The following COL14A1 variants were observed in gnomAD, a reference collection of about 807,000 sequenced individuals.
COL14A1 encodes collagen alpha-1(XIV) chain.
COL14A1 carries 136 observed loss-of-function variants against 230.3 expected under a neutral mutation model. The ratio of observed to expected loss-of-function variants is 0.59; its 90% CI spans 0.51 to 0.68. The LOEUF is 0.68. Among genes scored for constraint, COL14A1 ranks in the 30% least tolerant of loss-of-function variants. The pLI, the probability that COL14A1 is intolerant of heterozygous loss-of-function variation, is 0.00. For synonymous variants in COL14A1, 792 were observed against 784.1 expected (o/e 1.01, Z -0.17); for missense variants, 1,976 against 2,215.8 (o/e 0.89, Z 2.17).
chr8:120,177,652 CAAA>C (rs60652647), intron 5 of COL14A1, among the ~76,000 whole-genome samples: 5 of 82,820 alleles, frequency 6.0e-5, no homozygotes, highest in Admixed American at 3.2e-4. Context: ...TTGCCTGCTT[CAAA>C]AAAAAAAAAA....
chr8:120,137,312 T>C (rs990186191), intron 1 of COL14A1, among the ~76,000 whole-genome samples: 2 of 152,178 alleles, frequency 1.3e-5, no homozygotes, highest in African/African-American at 4.8e-5. Flanking sequence ...GGCAGTTATA[T>C]CCTCTGTTAT....
chr8:120,206,995 C>T lies in COL14A1; in HGVS notation c.1092C>T (p.Val364=), dbSNP rs913208267. ...GPPTELITSE[V]TARSFMVNWT... Reference sequence around the variant, plus strand: ...CTACGGAGTTGATTACTTCTGAAGTCACTGCCAGAAGCTTTATGGTTAACT... The same window carrying T: ...CTACGGAGTTGATTACTTCTGAAGTTACTGCCAGAAGCTTTATGGTTAACT... The change falls in exon 10 of 48, where the codon GTC becomes GTT. Residue 364 remains valine, a synonymous_variant. Coordinates refer to ENST00000297848, the MANE Select transcript of COL14A1 (RefSeq NM_021110.4). The T allele has an allele frequency of 6.2e-6, 10 of 1,613,598 alleles. No homozygotes were observed. The African/African-American group carries it at 9.4e-5, about 15-fold the overall frequency.
At position 120,247,669 on chromosome 8, in the gene COL14A1, C is replaced by T. The variant is rs560701039; in HGVS notation, c.2536C>T (p.Arg846Cys). ...GTCCGAGGAATGGTATAACCGGTTG[C>T]GCATTACGTGGGACCCCCCATCTTC... ...RVSEEWYNRL[R>C]ITWDPPSSPV... Residue 846 changes from arginine (R) to cysteine (C), a missense_variant, in exon 21 of 48, where the codon CGC becomes TGC. By Grantham distance (180) the Arg-to-Cys change is radical. Around this residue, in one of 3 missense-constraint regions of COL14A1, gnomAD observed 1,791 missense variants for 2,019.5 expected, o/e 0.89. Coordinates refer to ENST00000297848, the MANE Select transcript of COL14A1 (RefSeq NM_021110.4). 1.7e-5 allele frequency: 28 copies of T among 1,614,106 alleles called. No homozygotes were observed. The highest frequency in any genetic ancestry group is 5.3e-5 in the African/African-American group (4 of 75,024).
chr8:120,181,958 C>G (rs950982316), intron 5 of COL14A1, among the ~76,000 whole-genome samples: 1 of 152,036 alleles, frequency 6.6e-6, no homozygotes, highest in African/African-American at 2.4e-5. Context: ...CCCCGTCACC[C>G]CCCTCCCCGA....
intron 2 of COL14A1, among the ~76,000 whole-genome samples, chr8:120,150,150 A>G (rs1343964696): frequency 1.3e-5 from 2 of 152,230 alleles, no homozygotes; most frequent in Non-Finnish European, 1.5e-5. Flanking sequence ...AAATTGCAAT[A>G]TAAGTTATGT....
At chr8:120,245,248 C>A (rs575550656) in intron 20 of COL14A1, among the ~76,000 whole-genome samples, 1 of 152,120 alleles carries the variant, frequency 6.6e-6, no homozygotes, top group Admixed American at 6.5e-5. Flanking sequence ...ACTAATTACT[C>A]CCTGGTATTT....
At chr8:120,346,362 G>T (rs181497857) in intron 45 of COL14A1, among the ~76,000 whole-genome samples, 1 of 152,170 alleles carries the variant, frequency 6.6e-6, no homozygotes, top group Non-Finnish European at 1.5e-5. Flanking sequence ...CATGTTAACC[G>T]TGAAGAAAGT....
At chr8:120,328,884 C>A (rs575332204) in intron 40 of COL14A1, among the ~76,000 whole-genome samples, 2 of 152,294 alleles carry the variant, frequency 1.3e-5, no homozygotes, top group African/African-American at 4.8e-5. Flanking sequence ...CTGGACACAG[C>A]CGAGCAGAGA....
At chr8:120,216,234 GT>G in intron 13 of COL14A1, 116 bp from the exon 14 acceptor site, 1 of 773,106 alleles carries the variant, frequency 1.3e-6, no homozygotes, top group East Asian at 2.7e-5. Flanking sequence ...AGTGTTATAA[GT>G]TATTATCTAG....
At chr8:120,324,002 T>C (rs992106589) in intron 40 of COL14A1, among the ~76,000 whole-genome samples, 2 of 152,178 alleles carry the variant, frequency 1.3e-5, no homozygotes, top group Non-Finnish European at 2.9e-5. Context: ...TTCTCACTTA[T>C]AAGTGGGAGC....
chr8:120,267,298 A>G (rs1359568699), intron 25 of COL14A1, among the ~76,000 whole-genome samples: 15 of 151,940 alleles, frequency 9.9e-5, no homozygotes. Context: ...TAAGCCATTA[A>G]GGTAACTTTA....
intron 14 of COL14A1, among the ~76,000 whole-genome samples, chr8:120,222,965 TCTC>T (rs2130795535): frequency 6.6e-6 from 1 of 152,138 alleles, no homozygotes; most frequent in East Asian, 1.9e-4. Context: ...GAAAGAGAAA[TCTC>T]CTCTGAGGAG....
At chr8:120,131,921 A>G (rs1162952960) in intron 1 of COL14A1, among the ~76,000 whole-genome samples, 1 of 130,208 alleles carries the variant, frequency 7.7e-6, no homozygotes, top group African/African-American at 3.0e-5. Flanking sequence ...ATCTCGGCTC[A>G]CTGCAACCTC....
intron 40 of COL14A1, among the ~76,000 whole-genome samples, chr8:120,318,701 C>T (rs142268377): frequency 1.3e-5 from 2 of 152,184 alleles, no homozygotes; most frequent in African/African-American, 4.8e-5. Flanking sequence ...ATTATTCCTG[C>T]TCCACCTCAG....
intron 40 of COL14A1, among the ~76,000 whole-genome samples, chr8:120,322,529 G>A (rs1821489191): frequency 1.3e-5 from 2 of 152,050 alleles, no homozygotes; most frequent in Non-Finnish European, 2.9e-5. Flanking sequence ...TATTTTTCCT[G>A]ATTTTCTCCC....
In COL14A1 at chr8:120,262,991, G is replaced by A; in HGVS notation, c.2993G>A (p.Ser998Asn). The change falls in exon 24 of 48, where the codon AGT becomes AAT. Residue 998 changes from serine (S) to asparagine (N), a missense_variant. Transcript: ENST00000297848. ...AAGCTCCAGGAGATTGAAGGACCTA[G>A]TGTGAGCATAATGGAAAAAACACGT... ...YTKLQEIEGP[S>N]VSIMEKTQSL... The A allele has an allele frequency of 6.2e-7, 1 of 1,610,046 alleles. No homozygotes were observed. The highest frequency in any genetic ancestry group is 8.5e-7 in the Non-Finnish European group (1 of 1,178,816).
chr8:120,207,063 A>G lies in COL14A1; in HGVS notation c.1160A>G (p.Tyr387Cys), dbSNP rs1194153110. 6.2e-7 allele frequency: 1 copy of G among 1,613,362 alleles called. No individual in the cohort carries two copies. Among genetic ancestry groups the G allele is most frequent in the African/African-American group, 1.3e-5 (1 of 74,916 alleles). Residue 387 changes from tyrosine to cysteine, a missense_variant, in exon 10 of 48, where the codon TAT (tyrosine) becomes TGT (cysteine). Physicochemically the swap from Tyr to Cys is radical, Grantham distance 194. This residue lies in a region of COL14A1 where 1,791 missense variants were observed against 2,019.5 expected (regional missense o/e 0.89). Coordinates refer to ENST00000297848, the MANE Select transcript of COL14A1 (RefSeq NM_021110.4). ...PGNVEKYRVV[Y>C]YPTRGGKPDE... Reference sequence around the variant, plus strand: ...AATGTGGAAAAATACAGAGTTGTGTATTATCCTACCAGGGGTGGAAAACCA... The same window carrying G: ...AATGTGGAAAAATACAGAGTTGTGTGTTATCCTACCAGGGGTGGAAAACCA...
chr8:120,296,362 G>A (rs770216462), intron 34 of COL14A1, among the ~76,000 whole-genome samples: 3 of 151,938 alleles, frequency 2.0e-5, no homozygotes, highest in Non-Finnish European at 2.9e-5. Flanking sequence ...CAGAAAGCCC[G>A]ATTTCATTCT....
intron 9 of COL14A1, 35 bp downstream of exon 9, chr8:120,203,905 A>G (rs763450573): frequency 5.6e-6 from 9 of 1,596,342 alleles, no homozygotes; most frequent in African/African-American, 1.3e-5. Flanking sequence ...TGTGGATGTC[A>G]GTATTATGGT....
Sources: allele counts gnomAD v4.1 joint callset (sites outside exome capture counted in the v4.1 genomes callset), GRCh38; gene constraint gnomAD v4.1.1; regional missense constraint gnomAD v4.1.1; transcripts MANE v1.5; gene names NCBI Gene and HGNC (gene_info 2026-07-23, HGNC 2026-07-21).